EPM2A: variants seen among roughly 807,000 people sequenced by gnomAD.
EPM2A encodes EPM2A glucan phosphatase, laforin.
A neutral mutation model predicts 26.5 loss-of-function variants in EPM2A; 21 were observed. That is an observed-to-expected ratio of 0.79 (90% CI 0.56 to 1.14). The LOEUF is 1.14. Ranked by LOEUF, EPM2A falls within the 50% of genes most tolerant of loss-of-function variation. EPM2A has a pLI of 0.00. For synonymous variants in EPM2A, 217 were observed against 177.6 expected (o/e 1.22, Z -1.76); for missense variants, 458 against 440.8 (o/e 1.04, Z -0.35).
intron 4 of EPM2A, among the ~76,000 whole-genome samples, chr6:145,454,208 T>G (rs1325947620): frequency 2.0e-5 from 3 of 152,228 alleles, no homozygotes; most frequent in Non-Finnish European, 2.9e-5. Flanking sequence ...CAGAATAATC[T>G]TCCCAAGTGC....
chr6:145,496,748 T>G (rs1779826326), downstream of EPM2A, among the ~76,000 whole-genome samples: 2 of 141,110 alleles, frequency 1.4e-5, no homozygotes, highest in African/African-American at 5.1e-5. Context: ...TTTTTTTTTT[T>G]GAGACGGAGT....
intron 2 of EPM2A, among the ~76,000 whole-genome samples, chr6:145,658,702 T>A (rs1778468808): frequency 6.6e-6 from 1 of 152,222 alleles, no homozygotes; most frequent in South Asian, 2.1e-4. Context: ...AAATCTATCT[T>A]GCTTTTATAA....
chr6:145,560,012 A>G (rs894770429), intron 2 of EPM2A, among the ~76,000 whole-genome samples: 5 of 152,130 alleles, frequency 3.3e-5, no homozygotes, highest in Non-Finnish European at 7.4e-5. Flanking sequence ...TGCAATAATA[A>G]CAGGAAGGCA....
chr6:145,571,600 C>G (rs1780956394), intron 2 of EPM2A, among the ~76,000 whole-genome samples: 3 of 152,200 alleles, frequency 2.0e-5, no homozygotes, highest in African/African-American at 4.8e-5. Context: ...GTATAATCAA[C>G]CTGCCACGAA....
At chr6:145,527,615 T>A (rs1204578005) in intron 2 of EPM2A, among the ~76,000 whole-genome samples, 1 of 152,082 alleles carries the variant, frequency 6.6e-6, no homozygotes, top group African/African-American at 2.4e-5. Context: ...CTCATGTGTG[T>A]GTGTGTGATA....
chr6:145,530,404 C>T (rs1780337490), intron 2 of EPM2A, among the ~76,000 whole-genome samples: 1 of 152,198 alleles, frequency 6.6e-6, no homozygotes, highest in African/African-American at 2.4e-5. Flanking sequence ...TTAGTACACA[C>T]CTAATACTGA....
intron 4 of EPM2A, among the ~76,000 whole-genome samples, chr6:145,453,569 A>G (rs572744400): frequency 6.6e-6 from 1 of 152,256 alleles, no homozygotes; most frequent in East Asian, 1.9e-4. Context: ...CCTTAATTGT[A>G]TTGCAGCTGT....
intron 2 of EPM2A, among the ~76,000 whole-genome samples, chr6:145,564,484 A>G (rs1780852217): frequency 6.6e-6 from 1 of 152,214 alleles, no homozygotes; most frequent in Admixed American, 6.5e-5. Flanking sequence ...AAGTTGAGAA[A>G]TCACCTGACT....
At chr6:145,618,755 T>G (rs559863583) in intron 2 of EPM2A, among the ~76,000 whole-genome samples, 5 of 152,340 alleles carry the variant, frequency 3.3e-5, no homozygotes, top group African/African-American at 1.2e-4. Flanking sequence ...TATGTCTTTA[T>G]TAGCAGTGTG....
chr6:145,625,974 C>A lies in EPM2A; in HGVS notation c.*1442G>T. 1 of 1,202,292 alleles carries A rather than the reference C, an allele frequency of 8.3e-7. No individual in the cohort carries two copies. The highest frequency in any genetic ancestry group is 1.1e-6 in the Non-Finnish European group (1 of 902,296). 74.5% of individuals were successfully genotyped at this position (1,202,292 alleles called of 1,614,324 possible). A position where few individuals can be genotyped will look rare whatever the true frequency, so the allele number is the denominator to read the frequency against. ...TTGTATCTCACTTCATCTATTTATTCATCATGTGACAATAGACAGTTGAGT... is the reference window on the plus strand; with the variant it reads ...TTGTATCTCACTTCATCTATTTATTAATCATGTGACAATAGACAGTTGAGT... On this transcript the variant is annotated 3_prime_UTR_variant, in exon 4 of 4. Transcript: ENST00000367519.
chr6:145,393,759 T>C lies in EPM2A; in HGVS notation c.556-9662A>G, dbSNP rs575616823. ...AATCTAGGTTCCCCATAAGAGCATT[T>C]TATGCTACGGTTGTAACCAAACCAT... On this transcript the variant is annotated intron_variant, in intron 4 of 4. Transcript: ENST00000638717. Among the ~76,000 whole-genome samples the C allele has an allele frequency of 5.1e-4, 78 of 152,192 alleles. 1 individual carries two copies. Among genetic ancestry groups the C allele is most frequent in the African/African-American group, 1.8e-3 (73 of 41,536 alleles).
chr6:145,561,066 C>T (rs1015736156), intron 2 of EPM2A, among the ~76,000 whole-genome samples: 4 of 151,744 alleles, frequency 2.6e-5, no homozygotes, highest in African/African-American at 9.7e-5. Flanking sequence ...TATATGTTTC[C>T]ACACCCTAAA....
intron 1 of EPM2A, among the ~76,000 whole-genome samples, chr6:145,729,397 G>A (rs183912253): frequency 6.6e-6 from 1 of 152,340 alleles, no homozygotes; most frequent in Non-Finnish European, 1.5e-5. Flanking sequence ...AAGCAGCCAT[G>A]GGGGCTGTAC....
intron 1 of EPM2A, among the ~76,000 whole-genome samples, chr6:145,715,506 G>C (rs1471940434): frequency 2.0e-5 from 3 of 152,168 alleles, no homozygotes; most frequent in African/African-American, 7.2e-5. Flanking sequence ...GTTATTTGAG[G>C]ATATGTTGTA....
intron 4 of EPM2A, among the ~76,000 whole-genome samples, chr6:145,393,635 G>T (rs915248539): frequency 4.6e-5 from 7 of 151,948 alleles, no homozygotes; most frequent in Admixed American, 3.3e-4. Context: ...AATAGATACT[G>T]GGGCCACTCT....
At chr6:145,431,062 C>G (rs953686631) in intron 4 of EPM2A, among the ~76,000 whole-genome samples, 2 of 152,126 alleles carry the variant, frequency 1.3e-5, no homozygotes, top group Non-Finnish European at 2.9e-5. Context: ...ATTTCAAATA[C>G]TCCCCCAGAA....
intron 2 of EPM2A, among the ~76,000 whole-genome samples, chr6:145,573,296 C>A (rs1190741468): frequency 6.6e-6 from 1 of 152,168 alleles, no homozygotes; most frequent in East Asian, 1.9e-4. Context: ...CTGGCCTTAC[C>A]AGCTGAAGGC....
intron 2 of EPM2A, among the ~76,000 whole-genome samples, chr6:145,586,914 T>A (rs1390395551): frequency 6.6e-6 from 1 of 152,212 alleles, no homozygotes; most frequent in East Asian, 1.9e-4. Flanking sequence ...GATCAATTCT[T>A]ATTCCTCATA....
chr6:145,491,002 T>A, intron 4 of EPM2A: 1 of 924,986 alleles, frequency 1.1e-6, no homozygotes, highest in Non-Finnish European at 1.7e-6. Context: ...TTCACTTCAA[T>A]TGTGCCTTCA....
Sources: gnomAD v4.1 joint callset for allele counts (sites outside exome capture counted in the v4.1 genomes callset) on GRCh38, gnomAD v4.1.1 for gene constraint, MANE v1.5 for transcripts, NCBI Gene and HGNC (gene_info 2026-07-23, HGNC 2026-07-21) for gene names.